KCNH1: variants seen among roughly 807,000 people sequenced by gnomAD.
The protein encoded by KCNH1 is voltage-gated delayed rectifier potassium channel KCNH1.
KCNH1 carries 27 observed loss-of-function variants against 69.2 expected under a neutral mutation model. The observed-to-expected ratio is 0.39, with a 90% CI of 0.29 to 0.54. KCNH1 has a LOEUF of 0.54. KCNH1 is among the 20% of genes least tolerant of loss of function. The pLI is 0.68. For synonymous variants in KCNH1, 456 were observed against 487.7 expected (o/e 0.93, Z 0.86); for missense variants, 798 against 1,261.6 (o/e 0.63, Z 5.57).
intron 5 of KCNH1, among the ~76,000 whole-genome samples, chr1:211,077,006 A>T (rs1486181082): frequency 6.6e-6 from 1 of 152,198 alleles, no homozygotes; most frequent in African/African-American, 2.4e-5. Flanking sequence ...AAGAAAGGGT[A>T]TCAGTGATTG....
intron 10 of KCNH1, among the ~76,000 whole-genome samples, chr1:210,720,948 C>A (rs1239532293): frequency 2.0e-5 from 3 of 152,130 alleles, no homozygotes; most frequent in South Asian, 4.1e-4. Context: ...TGTCTCTCCC[C>A]CTGTATCTCT....
intron 5 of KCNH1, among the ~76,000 whole-genome samples, chr1:211,055,012 T>C (rs1030562545): frequency 6.6e-6 from 1 of 151,848 alleles, no homozygotes; most frequent in African/African-American, 2.4e-5. Flanking sequence ...ATCAAGACAG[T>C]AGAATAGAAG....
intron 5 of KCNH1, among the ~76,000 whole-genome samples, chr1:211,023,143 TAAA>T (rs1689619146): frequency 6.8e-6 from 1 of 146,650 alleles, no homozygotes; most frequent in Non-Finnish European, 1.5e-5. Flanking sequence ...AATAAATAAA[TAAA>T]TAAATAAATA....
intron 9 of KCNH1, among the ~76,000 whole-genome samples, chr1:210,781,162 G>A (rs1036538768): frequency 6.6e-6 from 1 of 152,082 alleles, no homozygotes; most frequent in Admixed American, 6.5e-5. Context: ...TGTAATCCTT[G>A]GAGGAAAGTG....
intron 5 of KCNH1, among the ~76,000 whole-genome samples, chr1:211,031,650 C>T (rs1015148153): frequency 1.1e-4 from 17 of 151,982 alleles, no homozygotes; most frequent in African/African-American, 1.9e-4. Context: ...ACAGAACCAA[C>T]GACAAAAAAC....
chr1:211,035,236 C>CTTTTTTTTTTTT (rs765170558), intron 5 of KCNH1, among the ~76,000 whole-genome samples: 4 of 75,056 alleles, frequency 5.3e-5, no homozygotes, highest in African/African-American at 1.1e-4. Flanking sequence ...TACTGGCATT[C>CTTTTTTTTTTTT]TTTTTTTTTT....
At chr1:210,819,753 T>C (rs1421939465) in intron 7 of KCNH1, among the ~76,000 whole-genome samples, 2 of 152,212 alleles carry the variant, frequency 1.3e-5, no homozygotes, top group African/African-American at 4.8e-5. Flanking sequence ...CTCTGGGTTT[T>C]CCATTCACCA....
At chr1:211,060,782 A>G (rs2102449527) in intron 5 of KCNH1, among the ~76,000 whole-genome samples, 1 of 152,316 alleles carries the variant, frequency 6.6e-6, no homozygotes, top group South Asian at 2.1e-4. Flanking sequence ...AAACCTGAAC[A>G]GACCAGTTAC....
At chr1:211,035,236 CTTTTTTTTTTTTTTTTT>C (rs765170558) in intron 5 of KCNH1, among the ~76,000 whole-genome samples, 4 of 75,052 alleles carry the variant, frequency 5.3e-5, no homozygotes, top group Non-Finnish European at 7.1e-5. Context: ...TACTGGCATT[CTTTTTTTTTTTTTTTTT>C]TTTTTTTTTT....
intron 10 of KCNH1, among the ~76,000 whole-genome samples, chr1:210,700,953 T>A (rs935266816): frequency 1.3e-5 from 2 of 150,594 alleles, no homozygotes; most frequent in Non-Finnish European, 2.9e-5. Flanking sequence ...TTATTTATTT[T>A]TTGAGATGGA....
At chr1:210,759,502 C>T (rs559081632) in intron 10 of KCNH1, among the ~76,000 whole-genome samples, 167 of 152,006 alleles carry the variant, frequency 1.1e-3, no homozygotes, top group African/African-American at 3.9e-3. Flanking sequence ...GAAAAATTCA[C>T]GGCAGGAATT....
At chr1:210,984,614 G>A (rs1688791510) in intron 6 of KCNH1, among the ~76,000 whole-genome samples, 1 of 152,176 alleles carries the variant, frequency 6.6e-6, no homozygotes, top group Non-Finnish European at 1.5e-5. Flanking sequence ...TTGCATCCCA[G>A]GGATGAAGCC....
chr1:210,755,847 G>T (rs1683388275), intron 10 of KCNH1, among the ~76,000 whole-genome samples: 1 of 152,182 alleles, frequency 6.6e-6, no homozygotes, highest in Non-Finnish European at 1.5e-5. Flanking sequence ...TCCCCACAGT[G>T]AAGTGAAAAC....
intron 3 of KCNH1, among the ~76,000 whole-genome samples, chr1:211,092,794 T>C (rs1691075119): frequency 6.6e-6 from 1 of 151,936 alleles, no homozygotes; most frequent in Non-Finnish European, 1.5e-5. Context: ...GTACCCTATC[T>C]GTTAAGGCAA....
chr1:210,983,920 C>T (rs538167025), intron 6 of KCNH1, among the ~76,000 whole-genome samples: 37 of 152,262 alleles, frequency 2.4e-4, no homozygotes, highest in African/African-American at 8.9e-4. Context: ...AATGTTCTTC[C>T]ATTTGTTTGT....
At chr1:210,778,806 C>T (rs970121615) in intron 9 of KCNH1, among the ~76,000 whole-genome samples, 2 of 152,102 alleles carry the variant, frequency 1.3e-5, no homozygotes, top group African/African-American at 4.8e-5. Flanking sequence ...GATAATCTTG[C>T]CTGATTTGTA....
At chr1:210,744,385 C>T (rs570698576) in intron 10 of KCNH1, among the ~76,000 whole-genome samples, 3 of 152,340 alleles carry the variant, frequency 2.0e-5, no homozygotes, top group African/African-American at 7.2e-5. Context: ...GTGGCTCACG[C>T]CTGTAATCCC....
intron 6 of KCNH1, among the ~76,000 whole-genome samples, chr1:210,933,947 T>C (rs1300001858): frequency 6.6e-6 from 1 of 152,196 alleles, no homozygotes; most frequent in Non-Finnish European, 1.5e-5. Flanking sequence ...GGACAGTATC[T>C]TCAATAAATG....
At chr1:211,002,336 G>GTATA (rs751450327) in intron 6 of KCNH1, among the ~76,000 whole-genome samples, 35 of 141,470 alleles carry the variant, frequency 2.5e-4, no homozygotes, top group African/African-American at 8.5e-4. Flanking sequence ...ATGTGTGTGT[G>GTATA]TGTATATATA....
Sources: allele counts gnomAD v4.1 joint callset (sites outside exome capture counted in the v4.1 genomes callset), GRCh38; gene constraint gnomAD v4.1.1; transcripts MANE v1.5; gene names NCBI Gene and HGNC (gene_info 2026-07-23, HGNC 2026-07-21).